SHROOM2: variants seen among roughly 807,000 people sequenced by gnomAD.
SHROOM2 encodes protein Shroom2.
Under a neutral mutation model 75.9 loss-of-function variants are expected in SHROOM2, and 33 were observed. The observed-to-expected ratio is 0.43, with a 90% CI of 0.33 to 0.58. SHROOM2 has a LOEUF of 0.58. Ranked by LOEUF, SHROOM2 falls within the 20% of genes least tolerant of loss-of-function variation. The pLI, the probability that SHROOM2 is intolerant of heterozygous loss-of-function variation, is 0.04. For synonymous variants in SHROOM2, 655 were observed against 663.6 expected, an observed-to-expected ratio of 0.99 and a Z score of 0.20; for missense variants, 1,434 against 1,461.2, an observed-to-expected ratio of 0.98 and a Z score of 0.30.
chrX:9,792,081 G>GA (rs1425410688), intron 1 of SHROOM2, among the ~76,000 whole-genome samples: 2 of 10,345 alleles, frequency 1.9e-4, no homozygotes, highest in Admixed American at 3.7e-3. Context: ...GAATAGAATA[G>GA]AATAGAATAG....
chrX:9,853,149 G>A (rs12011321), intron 1 of SHROOM2, among the ~76,000 whole-genome samples: 3,362 of 111,335 alleles, frequency 0.03, 114 homozygotes, highest in African/African-American at 0.092. Flanking sequence ...TTTCTGCTGG[G>A]GACAGGATCC....
intron 1 of SHROOM2, among the ~76,000 whole-genome samples, chrX:9,863,186 G>A (rs761628439): frequency 7.5e-4 from 84 of 111,351 alleles, no homozygotes; most frequent in African/African-American, 2.6e-3. Context: ...ACCCCTGCCC[G>A]TTTCTCCCAG....
chrX:9,943,749 A>G (rs1359913890), intron 8 of SHROOM2, among the ~76,000 whole-genome samples: 1 of 112,471 alleles, frequency 8.9e-6, no homozygotes, highest in Non-Finnish European at 1.9e-5. Flanking sequence ...ATCTGTTTGC[A>G]TTTTGGTCAA....
At position 9,946,787 on chromosome X, in the gene SHROOM2, G is replaced by A. The variant is rs778905294; in HGVS notation, c.4701G>A (p.Leu1567=). 2.7e-5 allele frequency: 33 copies of A among 1,203,388 alleles called. No individual in the cohort carries two copies. In the South Asian group the frequency reaches 5.8e-4, roughly 21 times the overall value. Residue 1567 remains leucine (L), a synonymous_variant, in exon 10 of 10, where the codon CTG becomes CTA. Transcript: ENST00000380913. ...TCTTTGACATTTTGGCCAACTATCT[G>A]AGCGAGGAGAGCCTCGCGGACTATG... The part of the protein sequence containing the change: ...RIVFDILANY[L]SEESLADYEH...
chrX:9,940,808 C>T (rs1368732178), intron 8 of SHROOM2, among the ~76,000 whole-genome samples: 1 of 111,944 alleles, frequency 8.9e-6, no homozygotes, highest in African/African-American at 3.2e-5. Flanking sequence ...ACATATGAGA[C>T]CCTAATTCCG....
Position 9,944,865 on chromosome X carries a change from GGAGAATGCCCTC to G in SHROOM2, c.4537_4548del (p.Glu1513_Leu1516del). 8.3e-7 allele frequency: 1 copy of G among 1,210,712 alleles called. No homozygotes were observed. The highest frequency in any genetic ancestry group is 1.1e-6 in the Non-Finnish European group (1 of 894,834). On this transcript the variant is annotated inframe_deletion, in exon 9 of 10. Coordinates refer to ENST00000380913, the MANE Select transcript of SHROOM2 (RefSeq NM_001649.4). ...CGCTGTCAGGCCGCCTGGCCCGGGTGGAGAATGCCCTCAATAATTTGGACGACGGCGCTTCTC... is the reference window on the plus strand; with the variant it reads ...CGCTGTCAGGCCGCCTGGCCCGGGTGAATAATTTGGACGACGGCGCTTCTC...
intron 2 of SHROOM2, among the ~76,000 whole-genome samples, chrX:9,890,392 G>C (rs1456524664): frequency 1.8e-5 from 2 of 113,024 alleles, no homozygotes; most frequent in African/African-American, 3.2e-5. Context: ...ATAAAGATAA[G>C]GGCTGCTGCA....
rs747213977 is a variant in SHROOM2 at position 9,891,006 on chromosome X, C to T, written c.347C>T (p.Ser116Phe). The T allele has an allele frequency of 2.5e-6, 3 of 1,205,859 alleles. No homozygotes were observed. The highest frequency in any genetic ancestry group is 2.2e-6 in the Non-Finnish European group (2 of 892,714). The change falls in exon 3 of 10, where the codon TCC (serine) becomes TTC (phenylalanine). Residue 116 changes from serine (S) to phenylalanine (F), a missense_variant. By Grantham distance (155) the Ser-to-Phe change is radical. Around this residue, in one of 3 missense-constraint regions of SHROOM2, gnomAD observed 1,340 missense variants for 1,338.3 expected, o/e 1.00. Transcript: ENST00000380913. ...RRSELGWRPH[S>F]WHATKFSDSH... ...AGCGAGCTGGGCTGGAGGCCTCACTCCTGGCATGCCACCAAGTTCTCTGAC... is the reference window on the plus strand; with the variant it reads ...AGCGAGCTGGGCTGGAGGCCTCACTTCTGGCATGCCACCAAGTTCTCTGAC...
At chrX:9,888,692 C>T (rs1301633659) in intron 2 of SHROOM2, among the ~76,000 whole-genome samples, 2 of 111,943 alleles carry the variant, frequency 1.8e-5, no homozygotes, top group Non-Finnish European at 3.8e-5. Flanking sequence ...AATCCTCCCA[C>T]GGCAGTCTCT....
rs184505771 is a variant in SHROOM2 at position 9,825,648 on chromosome X, T to C, written c.165+38938T>C. 1.3e-4 allele frequency among the ~76,000 whole-genome samples: 14 copies of C among 111,996 alleles called. No homozygotes were observed. The Admixed American group carries it at 1.3e-3, about 11-fold the overall frequency. On this transcript the variant is annotated intron_variant, in intron 1 of 9. Coordinates refer to ENST00000380913, the MANE Select transcript of SHROOM2 (RefSeq NM_001649.4). ...TTGGGAAATGGGCATTCCCTGGCAT[T>C]GAGTTGTTAATTGGACGCTGAGTGC...
At chrX:9,873,582 T>C (rs1402635373) in intron 1 of SHROOM2, 70 bp from the exon 2 acceptor site, 18 of 1,150,380 alleles carry the variant, frequency 1.6e-5, no homozygotes, top group Non-Finnish European at 2.1e-5. Context: ...TCTGCTGCGT[T>C]CCGAGGACCT....
At chrX:9,891,412 C>T (rs2084291404) in intron 3 of SHROOM2, among the ~76,000 whole-genome samples, 2 of 112,499 alleles carry the variant, frequency 1.8e-5, no homozygotes, top group East Asian at 2.8e-4. Context: ...CACGGCACCC[C>T]TCTCCTTTCC....
At chrX:9,862,881 G>C (rs1015402067) in intron 1 of SHROOM2, among the ~76,000 whole-genome samples, 3 of 112,255 alleles carry the variant, frequency 2.7e-5, no homozygotes, top group African/African-American at 9.7e-5. Flanking sequence ...TCTGACACAC[G>C]ATGGTGTTCC....
At chrX:9,879,557 G>A (rs1485184581) in intron 2 of SHROOM2, among the ~76,000 whole-genome samples, 4 of 112,776 alleles carry the variant, frequency 3.5e-5, no homozygotes, top group East Asian at 2.8e-4. Flanking sequence ...CACTGCACCC[G>A]GCCAGCTTAT....
intron 1 of SHROOM2, among the ~76,000 whole-genome samples, chrX:9,808,151 A>G (rs2083766348): frequency 1.8e-5 from 2 of 111,102 alleles, no homozygotes; most frequent in East Asian, 2.8e-4. Context: ...GTAGTACTTC[A>G]CCCTCTCAGA....
At chrX:9,802,339 T>A (rs754876518) in intron 1 of SHROOM2, among the ~76,000 whole-genome samples, 4 of 112,470 alleles carry the variant, frequency 3.6e-5, no homozygotes, top group Non-Finnish European at 5.6e-5. Flanking sequence ...CCATACCTGC[T>A]GAATCAGAAC....
Position 9,860,988 on chromosome X carries a change from G to A in SHROOM2, c.166-12664G>A, listed in dbSNP as rs113516034. On this transcript the variant is annotated intron_variant, in intron 1 of 9. Coordinates refer to ENST00000380913, the MANE Select transcript of SHROOM2 (RefSeq NM_001649.4). ...TATGTGACATATCTGGAATAGTCAA[G>A]TTCACAGAGGCAGGAATAAAATGCA... 7.1e-3 allele frequency among the ~76,000 whole-genome samples: 796 copies of A among 112,027 alleles called. 5 individuals carry two copies. Among genetic ancestry groups the A allele is most frequent in the African/African-American group, 0.023 (713 of 30,839 alleles).
At chrX:9,830,706 A>C (rs1410434425) in intron 1 of SHROOM2, among the ~76,000 whole-genome samples, 5 of 97,565 alleles carry the variant, frequency 5.1e-5, no homozygotes, top group South Asian at 5.1e-4. Flanking sequence ...GGTTCGAGCG[A>C]TTCTCCTGCC....
intron 1 of SHROOM2, among the ~76,000 whole-genome samples, chrX:9,822,204 C>T (rs2083856708): frequency 1.8e-5 from 2 of 111,074 alleles, no homozygotes; most frequent in Middle Eastern, 9.3e-3. Context: ...AGTGGGTGAA[C>T]CCCGATTGAG....
Sources: gnomAD v4.1 joint callset for allele counts (sites outside exome capture counted in the v4.1 genomes callset) on GRCh38, gnomAD v4.1.1 for gene constraint, gnomAD v4.1.1 regional missense constraint, MANE v1.5 for transcripts, NCBI Gene and HGNC (gene_info 2026-07-23, HGNC 2026-07-21) for gene names.